ZNF525: variants seen among roughly 807,000 people sequenced by gnomAD.
The protein encoded by ZNF525 is zinc finger protein 525.
ZNF525 carries 33 observed loss-of-function variants against 37.6 expected under a neutral mutation model. The observed-to-expected ratio is 0.88, with a 90% CI of 0.67 to 1.17. ZNF525 has a LOEUF of 1.17. ZNF525 is among the 50% of genes most tolerant of loss of function. The pLI is 0.00. For synonymous variants in ZNF525, 170 were observed against 182.3 expected, an observed-to-expected ratio of 0.93 and a Z score of 0.54; for missense variants, 449 against 543.1, an observed-to-expected ratio of 0.83 and a Z score of 1.72.
rs763438720 is a variant in ZNF525 at position 53,384,981 on chromosome 19, T to C, written c.*2962T>C. The stretch of plus-strand genomic sequence containing the variant: ...TCTATTTTGTTTAGGATTTCTATGA[T>C]GACTGGATTTTGAATTTTGTGGAAC... On this transcript the variant is annotated 3_prime_UTR_variant, in exon 4 of 4. Transcript: ENST00000474037. 4.3e-6 allele frequency: 3 copies of C among 702,464 alleles called. No individual in the cohort carries two copies. In the South Asian group the frequency reaches 4.4e-5, roughly 10 times the overall value. 43.5% of individuals were successfully genotyped at this position (702,464 alleles called of 1,614,324 possible).
In ZNF525 at chr19:53,385,000, G is replaced by T; in HGVS notation, c.*2981G>T. The T allele has an allele frequency of 1.4e-6, 1 of 701,504 alleles. No individual in the cohort carries two copies. The highest frequency in any genetic ancestry group is 2.6e-6 in the Non-Finnish European group (1 of 384,470). 43.5% of individuals were successfully genotyped at this position (701,504 alleles called of 1,614,324 possible). On this transcript the variant is annotated 3_prime_UTR_variant, in exon 4 of 4. Coordinates refer to ENST00000474037, the MANE Select transcript of ZNF525 (RefSeq NM_001348156.2). ...CTATGATGACTGGATTTTGAATTTT[G>T]TGGAACGCTTTTTCTCCATCTACTA...
chr19:53,382,389 G>A lies in ZNF525; in HGVS notation c.*370G>A. The A allele has an allele frequency of 9.4e-7, 1 of 1,066,768 alleles. No homozygotes were observed. The highest frequency in any genetic ancestry group is 1.5e-6 in the Non-Finnish European group (1 of 687,706). 66.1% of individuals were successfully genotyped at this position (1,066,768 alleles called of 1,614,324 possible). On this transcript the variant is annotated 3_prime_UTR_variant, in exon 4 of 4. Transcript: ENST00000474037. ...AAGACATAGGAGAATTCATAATGGA[G>A]AGAAACCGTACAAGTGTAATGAGTG...
At position 53,386,153 on chromosome 19, in the gene ZNF525, T is replaced by C. The variant is rs1166100454; in HGVS notation, c.*4134T>C. The C allele has an allele frequency of 8.9e-6, 4 of 447,382 alleles. No individual in the cohort carries two copies. Among genetic ancestry groups the C allele is most frequent in the African/African-American group, 6.5e-5 (3 of 45,900 alleles). The allele number at this position is 447,382 out of a possible 1,614,324, so 27.7% of individuals were successfully genotyped here. The stretch of plus-strand genomic sequence containing the variant: ...CCTGAGCAACAAGAGCAAAACTCCA[T>C]CTCAAAAAAAAAAAAATTGTCAAGT... On this transcript the variant is annotated 3_prime_UTR_variant, in exon 4 of 4. Transcript: ENST00000474037.
chr19:53,383,365 G>A lies in ZNF525; in HGVS notation c.*1346G>A, dbSNP rs1430077075. 5.9e-6 allele frequency: 7 copies of A among 1,195,168 alleles called. No individual in the cohort carries two copies. Among genetic ancestry groups the A allele is most frequent in the Non-Finnish European group, 8.3e-6 (7 of 839,192 alleles). 74.0% of individuals were successfully genotyped at this position (1,195,168 alleles called of 1,614,324 possible). A position where few individuals can be genotyped will look rare whatever the true frequency, so the allele number is the denominator to read the frequency against. On this transcript the variant is annotated 3_prime_UTR_variant, in exon 4 of 4. Coordinates refer to ENST00000474037, the MANE Select transcript of ZNF525 (RefSeq NM_001348156.2). ...TTCAATCAACAAGCACACGTTGCAC[G>A]TCATCATAGAATTCATACTGGAGAG...
rs768445270 is a variant in ZNF525 at position 53,381,278 on chromosome 19, T to A, written c.699T>A (p.His233Gln). The A allele has an allele frequency of 2.3e-4, 324 of 1,433,124 alleles. No homozygotes were observed. Among genetic ancestry groups the A allele is most frequent in the Non-Finnish European group, 3.0e-4 (307 of 1,015,242 alleles). The allele number at this position is 1,433,124 out of a possible 1,614,324, so 88.8% of individuals were successfully genotyped here. A position where few individuals can be genotyped will look rare whatever the true frequency, so the allele number is the denominator to read the frequency against. The change falls in exon 4 of 4, where the codon CAT (histidine) becomes CAA (glutamine). Residue 233 changes from histidine (H) to glutamine (Q), a missense_variant. Coordinates refer to ENST00000474037, the MANE Select transcript of ZNF525 (RefSeq NM_001348156.2). ...AFNYSSLLRK[H>Q]QIIHLGEKQY... The stretch of plus-strand genomic sequence containing the variant: ...ATTATAGCTCACTCTTAAGGAAACA[T>A]CAGATTATTCATCTAGGAGAGAAAC...
In ZNF525 at chr19:53,376,007, G is replaced by A; in HGVS notation, c.142+111G>A. ...CTGTCCCCAAGGGTGGGGTGCAATG[G>A]TGTGATCATGGCTCACTGCAATCTT... On this transcript the variant is annotated intron_variant, in intron 3 of 3. Transcript: ENST00000474037. 8 of 1,581,942 alleles carry A rather than the reference G, an allele frequency of 5.1e-6. No homozygotes were observed. In the South Asian group the frequency reaches 8.0e-5, roughly 16 times the overall value.
At chr19:53,376,786 C>T (rs1293604569) in intron 3 of ZNF525, among the ~76,000 whole-genome samples, 2 of 152,126 alleles carry the variant, frequency 1.3e-5, no homozygotes, top group African/African-American at 4.8e-5. Context: ...GCCTGTCTAA[C>T]GTGGTGAAAC....
chr19:53,375,923 G>A lies in ZNF525; in HGVS notation c.142+27G>A, dbSNP rs773713406. ...TGAGGATAACTTCCCTCCAGAAGTG[G>A]GGATGTGTCCTTTCGTATCTTTGTA... is the stretch of plus-strand genomic sequence containing the variant. On this transcript the variant is annotated intron_variant, in intron 3 of 3. Transcript: ENST00000474037. 4.3e-6 allele frequency: 7 copies of A among 1,612,802 alleles called. No homozygotes were observed. The Admixed American group carries it at 6.7e-5, about 15-fold the overall frequency.
At position 53,372,110 on chromosome 19, in the gene ZNF525, G is replaced by A. The variant is rs541830897; in HGVS notation, c.-67-105G>A. The A allele has an allele frequency of 3.4e-5, 17 of 497,014 alleles. No individual in the cohort carries two copies. The East Asian group carries it at 5.3e-4, about 16-fold the overall frequency. 30.8% of individuals were successfully genotyped at this position (497,014 alleles called of 1,614,324 possible). Reference sequence around the variant, plus strand: ...GTACCTGGTGTGGAGGGCAGTAGAGGGGACTGTATTTCATCAGGGTGAGGT... The same window carrying A: ...GTACCTGGTGTGGAGGGCAGTAGAGAGGACTGTATTTCATCAGGGTGAGGT... On this transcript the variant is annotated intron_variant, in intron 1 of 3. Coordinates refer to ENST00000474037, the MANE Select transcript of ZNF525 (RefSeq NM_001348156.2).
At chr19:53,372,756 T>C (rs952473980) in intron 2 of ZNF525, among the ~76,000 whole-genome samples, 3 of 152,232 alleles carry the variant, frequency 2.0e-5, no homozygotes, top group Non-Finnish European at 4.4e-5. Flanking sequence ...TTTTAGGTAA[T>C]TGAATGGGTT....
intron 1 of ZNF525, among the ~76,000 whole-genome samples, chr19:53,371,968 G>A (rs2085490892): frequency 6.6e-6 from 1 of 152,142 alleles, no homozygotes; most frequent in Admixed American, 6.6e-5. Context: ...AGTTTGGTCA[G>A]GTCTGGGTCG....
intron 2 of ZNF525, 182 bp downstream of exon 2, chr19:53,372,478 C>A: frequency 1.3e-6 from 1 of 753,110 alleles, no homozygotes; most frequent in Non-Finnish European, 2.4e-6. Flanking sequence ...GTGACATGAA[C>A]TTGGGAAGAG....
At chr19:53,369,131 T>G (rs1335691670) in intron 1 of ZNF525, among the ~76,000 whole-genome samples, 3 of 152,218 alleles carry the variant, frequency 2.0e-5, no homozygotes, top group Non-Finnish European at 4.4e-5. Flanking sequence ...AAGGGAACTT[T>G]TTTTTGACCT....
chr19:53,385,270 T>C lies in ZNF525; in HGVS notation c.*3251T>C. ...GCACCAAAATAAACTAGTGCTAGTC[T>C]GTTATAACATGTCTGAACAGGCTCT... is the stretch of plus-strand genomic sequence containing the variant. On this transcript the variant is annotated 3_prime_UTR_variant, in exon 4 of 4. Coordinates refer to ENST00000474037, the MANE Select transcript of ZNF525 (RefSeq NM_001348156.2). The C allele has an allele frequency of 2.7e-6, 1 of 374,244 alleles. No individual in the cohort carries two copies. The highest frequency in any genetic ancestry group is 4.8e-6 in the Non-Finnish European group (1 of 207,756). 23.2% of individuals were successfully genotyped at this position (374,244 alleles called of 1,614,324 possible).
intron 3 of ZNF525, among the ~76,000 whole-genome samples, chr19:53,377,113 GA>G (rs534439604): frequency 1.4e-3 from 206 of 152,196 alleles, no homozygotes; most frequent in Non-Finnish European, 2.2e-3. Flanking sequence ...TAAATAATAG[GA>G]AAAAAAGTTG....
chr19:53,368,928 A>G (rs1404867152), intron 1 of ZNF525, among the ~76,000 whole-genome samples: 1 of 152,158 alleles, frequency 6.6e-6, no homozygotes, highest in Non-Finnish European at 1.5e-5. Flanking sequence ...GTGCCACGAT[A>G]TGCAATACTG....
chr19:53,383,719 TGAA>T lies in ZNF525; in HGVS notation c.*1703_*1705del, dbSNP rs2085585002. 1.6e-6 allele frequency: 1 copy of T among 630,576 alleles called. No individual in the cohort carries two copies. The highest frequency in any genetic ancestry group is 1.9e-5 in the African/African-American group (1 of 53,844). 39.1% of individuals were successfully genotyped at this position (630,576 alleles called of 1,614,324 possible). A position where few individuals can be genotyped will look rare whatever the true frequency, so the allele number is the denominator to read the frequency against. On this transcript the variant is annotated 3_prime_UTR_variant, in exon 4 of 4. Transcript: ENST00000474037. Reference sequence around the variant, plus strand: ...TTGTAAATCACTGGAGAAGCCATAATGAAGAGAGATCTTACAAATGTAATAATT... The same window carrying T: ...TTGTAAATCACTGGAGAAGCCATAATGAGAGATCTTACAAATGTAATAATT...
Position 53,382,691 on chromosome 19 carries a change from A to G in ZNF525, c.*672A>G. ...CCACGTCTTCAGTAATGCTACAACT[A>G]TTGCAAATCATTGGAGAATCCATAA... On this transcript the variant is annotated 3_prime_UTR_variant, in exon 4 of 4. Transcript: ENST00000474037. The G allele has an allele frequency of 1.4e-6, 1 of 734,896 alleles. No individual in the cohort carries two copies. The highest frequency in any genetic ancestry group is 2.5e-6 in the Non-Finnish European group (1 of 402,024). 45.5% of individuals were successfully genotyped at this position (734,896 alleles called of 1,614,324 possible).
intron 3 of ZNF525, among the ~76,000 whole-genome samples, chr19:53,380,015 A>AT (rs2085548040): frequency 6.6e-6 from 1 of 152,126 alleles, no homozygotes. Flanking sequence ...AAATACAAAA[A>AT]TAAAAAAAAA....
Sources: allele counts gnomAD v4.1 joint callset (sites outside exome capture counted in the v4.1 genomes callset), GRCh38; gene constraint gnomAD v4.1.1; transcripts MANE v1.5; gene names NCBI Gene and HGNC (gene_info 2026-07-23, HGNC 2026-07-21).